ZFHX3: variants seen among roughly 807,000 people sequenced by gnomAD.
ZFHX3 encodes zinc finger homeobox 3.
A neutral mutation model predicts 279.1 loss-of-function variants in ZFHX3; 42 were observed. That is an observed-to-expected ratio of 0.15 (90% confidence interval 0.12 to 0.19). The LOEUF is 0.19. Among genes scored for constraint, ZFHX3 ranks in the 10% least tolerant of loss-of-function variants. The pLI, the probability that ZFHX3 is intolerant of heterozygous loss-of-function variation, is 1.00. For synonymous variants in ZFHX3, 2,293 were observed against 1,957.8 expected (o/e 1.17, Z -4.52); for missense variants, 4,981 against 4,754.0 (o/e 1.05, Z -1.40).
intron 3 of ZFHX3, chr16:73,386,670 T>C (rs565972851): frequency 6.6e-6 from 1 of 151,612 alleles, no homozygotes; most frequent in Admixed American, 6.6e-5. Context: ...AGGTGGCTAC[T>C]TAAAGAAGGG....
intron 5 of ZFHX3, among the ~76,000 whole-genome samples, chr16:73,226,522 T>C (rs563789653): frequency 2.0e-5 from 3 of 152,244 alleles, no homozygotes. Flanking sequence ...CTGCTGGGCC[T>C]GAAATATTAG....
At chr16:73,409,198 C>T (rs1344611364) in intron 3 of ZFHX3, among the ~76,000 whole-genome samples, 1 of 152,134 alleles carries the variant, frequency 6.6e-6, no homozygotes, top group Non-Finnish European at 1.5e-5. Context: ...AGAGAATAAG[C>T]CAGGAGAAAA....
chr16:73,031,081 A>G (rs1964681403), intron 1 of ZFHX3, among the ~76,000 whole-genome samples: 2 of 152,224 alleles, frequency 1.3e-5, no homozygotes, highest in Non-Finnish European at 1.5e-5. Context: ...TTAGGTAAAT[A>G]GGATATTTAT....
At chr16:73,736,288 T>C (rs1348643146) in intron 1 of ZFHX3, among the ~76,000 whole-genome samples, 2 of 152,194 alleles carry the variant, frequency 1.3e-5, no homozygotes, top group African/African-American at 4.8e-5. Context: ...GTTTCAAAAC[T>C]AGATGCAGGG....
At chr16:73,538,039 T>C (rs967882949) in intron 2 of ZFHX3, among the ~76,000 whole-genome samples, 1 of 152,214 alleles carries the variant, frequency 6.6e-6, no homozygotes, top group African/African-American at 2.4e-5. Flanking sequence ...TCTGATTTCT[T>C]TTTTTCTGAG....
In ZFHX3 at chr16:73,820,392, G is replaced by C. The variant is rs138923922; in HGVS notation, c.-1608+71259C>G. ...CCGGCCTGGGAGTAACTCTTAACTG[G>C]CTGGTGGCTTCTGCTCCCTCTTTCT... On this transcript the variant is annotated intron_variant, in intron 1 of 17. Coordinates refer to the ZFHX3 transcript ENST00000641206. Among the ~76,000 whole-genome samples the C allele has an allele frequency of 4.6e-3, 693 of 152,252 alleles. 7 individuals carry two copies. The highest frequency in any genetic ancestry group is 0.015 in the African/African-American group (637 of 41,544).
chr16:73,505,307 A>T (rs2019307117), intron 2 of ZFHX3, among the ~76,000 whole-genome samples: 1 of 152,204 alleles, frequency 6.6e-6, no homozygotes, highest in Non-Finnish European at 1.5e-5. Flanking sequence ...AATAATAATA[A>T]CAAAATGCTC....
chr16:72,851,079 T>C (rs2037604155), intron 4 of ZFHX3, among the ~76,000 whole-genome samples: 1 of 152,118 alleles, frequency 6.6e-6, no homozygotes, highest in African/African-American at 2.4e-5. Flanking sequence ...TCCTTTCACT[T>C]ATAAATAGAA....
intron 2 of ZFHX3, among the ~76,000 whole-genome samples, chr16:73,508,189 ATGCCATC>A (rs546189803): frequency 2.2e-3 from 334 of 152,294 alleles, no homozygotes; most frequent in Non-Finnish European, 3.9e-3. Context: ...CTAGGCCTCA[ATGCCATC>A]TGTGAAAGGG....
In ZFHX3 at chr16:72,959,022, C is replaced by T. The variant is rs79835643; in HGVS notation, c.1124G>A (p.Gly375Glu). Residue 375 changes from glycine (G) to glutamate (E), a missense_variant, in exon 2 of 10, where the codon GGG becomes GAG. Physicochemically the swap from Gly to Glu is moderately conservative, Grantham distance 98 (BLOSUM62 -2). Coordinates refer to ENST00000268489, the MANE Select transcript of ZFHX3 (RefSeq NM_006885.4). Reference sequence around the variant, plus strand: ...GGAGCCCGCTGGGAGAGCTTCCTCCCCTTCCATTCGAATGCCACTAAATTT... The same window carrying T: ...GGAGCCCGCTGGGAGAGCTTCCTCCTCTTCCATTCGAATGCCACTAAATTT... ...YGKFSGIRMEGEEALPAGSAA... is the reference protein window; with the variant it reads ...YGKFSGIRMEEEEALPAGSAA... 3 of 1,612,898 alleles carry T rather than the reference C, an allele frequency of 1.9e-6. No homozygotes were observed. Among genetic ancestry groups the T allele is most frequent in the East Asian group, 2.2e-5 (1 of 44,866 alleles).
chr16:72,940,076 A>G (rs1429518659), intron 3 of ZFHX3, among the ~76,000 whole-genome samples: 1 of 150,992 alleles, frequency 6.6e-6, no homozygotes, highest in Non-Finnish European at 1.5e-5. Flanking sequence ...CACCTGGCTA[A>G]TTTTTTAAAT....
At chr16:73,569,937 C>A (rs752242613) in intron 2 of ZFHX3, among the ~76,000 whole-genome samples, 1 of 152,166 alleles carries the variant, frequency 6.6e-6, no homozygotes, top group Non-Finnish European at 1.5e-5. Context: ...TTAATCACCC[C>A]CTCCATGAGA....
At chr16:73,297,039 G>A (rs922002504) in intron 4 of ZFHX3, among the ~76,000 whole-genome samples, 7 of 151,528 alleles carry the variant, frequency 4.6e-5, no homozygotes, top group African/African-American at 7.3e-5. Flanking sequence ...CACCCTGCCC[G>A]GCTAATTTTT....
At chr16:73,485,767 G>C (rs969697995) in intron 2 of ZFHX3, among the ~76,000 whole-genome samples, 2 of 152,126 alleles carry the variant, frequency 1.3e-5, no homozygotes, top group African/African-American at 4.8e-5. Flanking sequence ...CATCCCTTGG[G>C]CTGGCTCATC....
chr16:73,850,023 G>A (rs182357323), intron 1 of ZFHX3, among the ~76,000 whole-genome samples: 26 of 152,256 alleles, frequency 1.7e-4, no homozygotes, highest in African/African-American at 4.6e-4. Context: ...GTGAGCCACC[G>A]CGCCTGGCCA....
chr16:73,714,715 C>G (rs113281047), intron 1 of ZFHX3, among the ~76,000 whole-genome samples: 1 of 152,168 alleles, frequency 6.6e-6, no homozygotes, highest in Non-Finnish European at 1.5e-5. Flanking sequence ...GTCATGAAGA[C>G]TACGATTATT....
chr16:73,656,236 G>A (rs556028838), intron 2 of ZFHX3, among the ~76,000 whole-genome samples: 1 of 152,314 alleles, frequency 6.6e-6, no homozygotes, highest in Admixed American at 6.5e-5. Flanking sequence ...GGTCCACAAA[G>A]CCAAAAATTT....
At chr16:72,863,402 C>G (rs145981035) in intron 4 of ZFHX3, among the ~76,000 whole-genome samples, 370 of 149,748 alleles carry the variant, frequency 2.5e-3, no homozygotes, top group Non-Finnish European at 4.4e-3. Flanking sequence ...CCTGTAGTCC[C>G]AGCTACTCAG....
chr16:73,215,893 G>A (rs552974115), intron 5 of ZFHX3, among the ~76,000 whole-genome samples: 110 of 152,210 alleles, frequency 7.2e-4, no homozygotes, highest in African/African-American at 2.3e-3. Flanking sequence ...GTGTGTGTGC[G>A]TGTGTATGTG....
Sources: allele counts gnomAD v4.1 joint callset (sites outside exome capture counted in the v4.1 genomes callset), GRCh38; gene constraint gnomAD v4.1.1; transcripts MANE v1.5; gene names NCBI Gene and HGNC (gene_info 2026-07-23, HGNC 2026-07-21).